The following ERICH1 variants were observed in gnomAD, a reference collection of about 807,000 sequenced individuals.
ERICH1 encodes glutamate-rich protein 1.
A neutral mutation model predicts 39.6 loss-of-function variants in ERICH1; 56 were observed. The observed-to-expected ratio is 1.41, with a 90% CI of 1.14 to 1.77. The LOEUF (loss-of-function observed/expected upper bound fraction) is 1.77. Among genes scored for constraint, ERICH1 ranks in the 40% most tolerant of loss-of-function variants. The pLI is 0.00. For missense variants in ERICH1, 826 were observed against 575.4 expected (o/e 1.44, Z -4.45); for synonymous variants, 313 against 223.6 (o/e 1.40, Z -3.57).
At chr8:655,732 C>G (rs934594039) in intron 3 of ERICH1, among the ~76,000 whole-genome samples, 1 of 151,128 alleles carries the variant, frequency 6.6e-6, no homozygotes, top group Non-Finnish European at 1.5e-5. Context: ...GCCCCACTTC[C>G]ATTCCACTCC....
rs114912554 is a variant in ERICH1 at position 718,827 on chromosome 8, C to T, written c.23-2820G>A. Among the ~76,000 whole-genome samples the T allele has an allele frequency of 6.8e-3, 1,039 of 152,298 alleles. 10 individuals are homozygous for T. Among genetic ancestry groups the T allele is most frequent in the African/African-American group, 0.024 (995 of 41,558 alleles). Reference sequence around the variant, plus strand: ...CTAGGATTTCTGCAATTCCCCTGCACGCCTGCTCAGGTGCCACACGAGCAG... The same window carrying T: ...CTAGGATTTCTGCAATTCCCCTGCATGCCTGCTCAGGTGCCACACGAGCAG... On this transcript the variant is annotated intron_variant, in intron 1 of 5. Coordinates refer to ENST00000262109, the MANE Select transcript of ERICH1 (RefSeq NM_207332.3).
At chr8:667,472 T>G (rs1802438699) in intron 5 of ERICH1, 1 of 152,726 alleles carries the variant, frequency 6.5e-6, no homozygotes, top group Non-Finnish European at 1.5e-5. Flanking sequence ...CTATGACGCA[T>G]CTCACCGAGT....
chr8:629,539 CTGTGAG>C (rs1187459452), intron 3 of ERICH1, among the ~76,000 whole-genome samples: 12 of 151,248 alleles, frequency 7.9e-5, no homozygotes, highest in African/African-American at 1.5e-4. Context: ...ACACACCCTC[CTGTGAG>C]CACCCACACG....
intron 1 of ERICH1, among the ~76,000 whole-genome samples, chr8:724,445 G>C (rs746664451): frequency 2.0e-4 from 31 of 152,310 alleles, no homozygotes; most frequent in Non-Finnish European, 4.4e-4. Context: ...GGCTGCAATA[G>C]TTTTCATTAA....
intron 3 of ERICH1, chr8:626,918 C>G (rs948330441): frequency 6.6e-5 from 22 of 335,326 alleles, no homozygotes; most frequent in Admixed American, 1.1e-4. Flanking sequence ...GAGTAAGGTA[C>G]CTTCCAGGGC....
intron 3 of ERICH1, chr8:627,060 C>T (rs531457384): frequency 2.0e-5 from 9 of 452,058 alleles, no homozygotes; most frequent in East Asian, 1.4e-4. Context: ...GCCAGGCTTC[C>T]GTGCTCTGGG....
intron 2 of ERICH1, among the ~76,000 whole-genome samples, chr8:712,349 G>T (rs543504398): frequency 8.1e-6 from 1 of 123,808 alleles, no homozygotes; most frequent in African/African-American, 3.0e-5. Flanking sequence ...TCTTCATATA[G>T]ATGTTGTACA....
chr8:615,178 C>T (rs1796847982), exon 4 of ERICH1: 3 of 646,196 alleles, frequency 4.6e-6, no homozygotes, highest in Non-Finnish European at 8.2e-6. Context: ...CGAAAGTAGA[C>T]AGTTCCTCTT....
rs567890485 is a variant in ERICH1, at chr8:656,032, C to T, written c.976+12566G>A. On this transcript the variant is annotated intron_variant, in intron 3 of 3. Coordinates refer to the ERICH1 transcript ENST00000522706. ...TGCTGCAGGGCTGTCTCTGTGCCTG[C>T]AGACTCATGGCCTCAAGACTTCCCC... Among the ~76,000 whole-genome samples, 8 of 152,246 alleles carry T rather than the reference C, an allele frequency of 5.3e-5. No individual in the cohort carries two copies. The East Asian group carries it at 1.6e-3, about 30-fold the overall frequency.
intron 2 of ERICH1, among the ~76,000 whole-genome samples, chr8:714,569 G>C (rs373179033): frequency 0.011 from 1 of 94 alleles, no homozygotes. Flanking sequence ...GGCCTCTTCC[G>C]GCATCTCTCG....
intron 3 of ERICH1, chr8:625,739 C>T (rs866388250): frequency 3.3e-5 from 5 of 152,180 alleles, no homozygotes; most frequent in African/African-American, 9.6e-5. Flanking sequence ...GCTTCTGAAC[C>T]GTGCACAGTT....
At chr8:709,558 A>G (rs1814227745) in intron 2 of ERICH1, among the ~76,000 whole-genome samples, 1 of 152,232 alleles carries the variant, frequency 6.6e-6, no homozygotes, top group Admixed American at 6.5e-5. Flanking sequence ...AACTCACATC[A>G]GTATTTTGAC....
intron 3 of ERICH1, among the ~76,000 whole-genome samples, chr8:625,332 A>C (rs574768345): frequency 6.6e-5 from 10 of 152,286 alleles, no homozygotes; most frequent in Admixed American, 3.9e-4. Context: ...GCAGGAATAA[A>C]CCCTGAAACC....
intron 3 of ERICH1, among the ~76,000 whole-genome samples, chr8:657,180 G>A (rs1669646): frequency 0.21 from 32,086 of 152,202 alleles, 3,754 homozygotes; most frequent in Middle Eastern, 0.35. Context: ...AAAGAAACAC[G>A]AAAAGCAGCT....
At chr8:701,598 C>A (rs1317446252) in intron 2 of ERICH1, among the ~76,000 whole-genome samples, 3 of 152,204 alleles carry the variant, frequency 2.0e-5, no homozygotes, top group Non-Finnish European at 4.4e-5. Context: ...AGTCGGACCA[C>A]CACCTCACAC....
chr8:715,209 C>T (rs1285274770), intron 2 of ERICH1, among the ~76,000 whole-genome samples: 1 of 150,812 alleles, frequency 6.6e-6, no homozygotes, highest in African/African-American at 2.4e-5. Context: ...CAGGTGGTCT[C>T]TTCTCGTGTC....
intron 2 of ERICH1, among the ~76,000 whole-genome samples, chr8:694,556 C>T (rs575029857): frequency 3.1e-4 from 47 of 152,296 alleles, no homozygotes; most frequent in Admixed American, 1.2e-3. Flanking sequence ...GAGACAGTTC[C>T]GGTCTGTGGG....
At chr8:629,922 T>G (rs1584957461) in intron 3 of ERICH1, among the ~76,000 whole-genome samples, 1 of 106,554 alleles carries the variant, frequency 9.4e-6, no homozygotes, top group Non-Finnish European at 1.8e-5. Flanking sequence ...ACTCACACCC[T>G]CCCGTGACCA....
chr8:626,600 G>C (rs914462311), intron 3 of ERICH1: 2 of 156,774 alleles, frequency 1.3e-5, no homozygotes, highest in African/African-American at 2.4e-5. Flanking sequence ...GTGATGCTCT[G>C]CCGGGGAATA....
Sources: allele counts gnomAD v4.1 joint callset (sites outside exome capture counted in the v4.1 genomes callset), GRCh38; gene constraint gnomAD v4.1.1; transcripts MANE v1.5; gene names NCBI Gene and HGNC (gene_info 2026-07-23, HGNC 2026-07-21).